The following ACVR1C variants were observed in gnomAD, a reference collection of about 807,000 sequenced individuals.
ACVR1C encodes activin A receptor type 1C.
A neutral mutation model predicts 57.9 loss-of-function variants in ACVR1C; 23 were observed. The ratio of observed to expected loss-of-function variants is 0.40; its 90% CI spans 0.29 to 0.56. ACVR1C has a LOEUF of 0.56. Ranked by LOEUF, ACVR1C falls within the 20% of genes least tolerant of loss-of-function variation. ACVR1C has a pLI of 0.50. For missense variants in ACVR1C, 480 were observed against 607.9 expected, an observed-to-expected ratio of 0.79 and a Z score of 2.21; for synonymous variants, 214 against 215.3, an observed-to-expected ratio of 0.99 and a Z score of 0.05.
At chr2:157,614,592 G>A (rs973177635) in intron 1 of ACVR1C, among the ~76,000 whole-genome samples, 5 of 152,082 alleles carry the variant, frequency 3.3e-5, no homozygotes, top group African/African-American at 9.7e-5. Flanking sequence ...TATGAGAGAC[G>A]AGTTTGAAGA....
chr2:157,536,977 T>C (rs1345017918), intron 8 of ACVR1C, among the ~76,000 whole-genome samples: 1 of 152,186 alleles, frequency 6.6e-6, no homozygotes, highest in African/African-American at 2.4e-5. Context: ...CAAAATGCTG[T>C]ATCATCACCT....
intron 5 of ACVR1C, 120 bp from the exon 6 acceptor site, chr2:157,542,982 G>C (rs1432064017): frequency 9.1e-6 from 9 of 987,858 alleles, no homozygotes; most frequent in Non-Finnish European, 1.3e-5. Context: ...CAAAGCTCTT[G>C]TCACTATCTA....
At chr2:157,555,324 T>A (rs1231038177) in intron 3 of ACVR1C, among the ~76,000 whole-genome samples, 7 of 151,506 alleles carry the variant, frequency 4.6e-5, no homozygotes, top group Non-Finnish European at 8.8e-5. Flanking sequence ...TTTCACCTTG[T>A]TAGCCAGGAT....
chr2:157,623,370 G>A (rs1158277083), intron 1 of ACVR1C, among the ~76,000 whole-genome samples: 1 of 152,160 alleles, frequency 6.6e-6, no homozygotes, highest in Non-Finnish European at 1.5e-5. Context: ...TCCATCAACA[G>A]ACGAATGGAT....
At chr2:157,598,641 G>C (rs1682198945) in intron 1 of ACVR1C, among the ~76,000 whole-genome samples, 2 of 151,284 alleles carry the variant, frequency 1.3e-5, no homozygotes, top group African/African-American at 4.9e-5. Context: ...CTGGTTTCAA[G>C]TGATTCTCCT....
intron 1 of ACVR1C, among the ~76,000 whole-genome samples, chr2:157,590,482 T>C (rs1270201399): frequency 1.3e-5 from 2 of 151,974 alleles, no homozygotes; most frequent in African/African-American, 2.4e-5. Context: ...ATAATTTTTC[T>C]TAACTGATGA....
At chr2:157,593,922 C>A (rs144176675) in intron 1 of ACVR1C, among the ~76,000 whole-genome samples, 1 of 152,038 alleles carries the variant, frequency 6.6e-6, no homozygotes, top group Non-Finnish European at 1.5e-5. Flanking sequence ...CAGGCTGCAA[C>A]CAAAAAAATT....
chr2:157,613,934 T>C (rs1682589189), intron 1 of ACVR1C, among the ~76,000 whole-genome samples: 1 of 152,180 alleles, frequency 6.6e-6, no homozygotes, highest in African/African-American at 2.4e-5. Flanking sequence ...AGAATAGACA[T>C]TATTTCTTCC....
chr2:157,542,677 T>C (rs1687649987), intron 6 of ACVR1C, 29 bp downstream of exon 6: 1 of 1,602,512 alleles, frequency 6.2e-7, no homozygotes, highest in Admixed American at 1.7e-5. Context: ...TCTCACATCT[T>C]ACTATGCTAC....
intron 6 of ACVR1C, among the ~76,000 whole-genome samples, chr2:157,541,803 T>C (rs889631519): frequency 2.0e-5 from 3 of 152,240 alleles, no homozygotes; most frequent in Non-Finnish European, 4.4e-5. Flanking sequence ...GAATCTCAAA[T>C]ACGGCTTGAA....
chr2:157,607,515 A>G (rs1273613274), intron 1 of ACVR1C, among the ~76,000 whole-genome samples: 1 of 151,772 alleles, frequency 6.6e-6, no homozygotes, highest in Non-Finnish European at 1.5e-5. Context: ...TGACATTAGT[A>G]TTTTGATAGA....
chr2:157,601,045 C>T (rs962740697), intron 1 of ACVR1C, among the ~76,000 whole-genome samples: 4 of 152,122 alleles, frequency 2.6e-5, no homozygotes, highest in East Asian at 1.9e-4. Context: ...CGGCCGGCTG[C>T]GGTAGCTTGC....
In ACVR1C at chr2:157,554,158, A is replaced by G. The variant is rs572462589; in HGVS notation, c.544+1935T>C. Among the ~76,000 whole-genome samples the G allele has an allele frequency of 4.1e-5, 6 of 146,976 alleles. No individual in the cohort carries two copies. In the South Asian group the frequency reaches 1.1e-3, roughly 27 times the overall value. On this transcript the variant is annotated intron_variant, in intron 3 of 8. Coordinates refer to ENST00000243349, the MANE Select transcript of ACVR1C (RefSeq NM_145259.3). ...AGATAGCACCACTGCACTCCAGCCT[A>G]GGTAACAGGGTGAGAATCTGGAAAA... is the stretch of plus-strand genomic sequence containing the variant.
chr2:157,591,341 C>T (rs906938194), intron 1 of ACVR1C, among the ~76,000 whole-genome samples: 1 of 151,890 alleles, frequency 6.6e-6, no homozygotes, highest in Non-Finnish European at 1.5e-5. Context: ...CACTAACTTG[C>T]TGATTGACTT....
intron 1 of ACVR1C, among the ~76,000 whole-genome samples, chr2:157,599,306 C>G (rs1480770559): frequency 8.5e-6 from 1 of 117,492 alleles, no homozygotes; most frequent in African/African-American, 3.4e-5. Context: ...TGCACTACAG[C>G]CTGGGCTCAA....
At chr2:157,625,488 A>G (rs1159473623) in intron 1 of ACVR1C, among the ~76,000 whole-genome samples, 2 of 152,178 alleles carry the variant, frequency 1.3e-5, no homozygotes, top group South Asian at 2.1e-4. Flanking sequence ...AGATGGCAAC[A>G]TCTTTTGCAT....
intron 7 of ACVR1C, among the ~76,000 whole-genome samples, chr2:157,539,012 G>A (rs1000141623): frequency 1.4e-5 from 2 of 148,082 alleles, no homozygotes; most frequent in Non-Finnish European, 3.0e-5. Context: ...TTCTATAATT[G>A]TATAAAATAA....
chr2:157,617,293 T>C (rs1327915269), intron 1 of ACVR1C, among the ~76,000 whole-genome samples: 1 of 151,950 alleles, frequency 6.6e-6, no homozygotes, highest in Non-Finnish European at 1.5e-5. Flanking sequence ...ATATATAAAA[T>C]AGAAACTAAT....
At chr2:157,602,458 G>T (rs764444747) in intron 1 of ACVR1C, among the ~76,000 whole-genome samples, 6 of 152,166 alleles carry the variant, frequency 3.9e-5, no homozygotes, top group Non-Finnish European at 7.3e-5. Context: ...TACACAGTTG[G>T]CAGAGTATAA....
Sources: gnomAD v4.1 joint callset for allele counts (sites outside exome capture counted in the v4.1 genomes callset) on GRCh38, gnomAD v4.1.1 for gene constraint, MANE v1.5 for transcripts, NCBI Gene and HGNC (gene_info 2026-07-23, HGNC 2026-07-21) for gene names.